ADAMTS12: variants seen among roughly 807,000 people sequenced by gnomAD.
ADAMTS12 encodes ADAM metallopeptidase with thrombospondin type 1 motif 12.
Under a neutral mutation model 167.8 loss-of-function variants are expected in ADAMTS12, and 118 were observed. That is an observed-to-expected ratio of 0.70 (90% confidence interval 0.61 to 0.82). The LOEUF is 0.82. Among genes scored for constraint, ADAMTS12 ranks in the 40% least tolerant of loss-of-function variants. The pLI is 0.00. For missense variants in ADAMTS12, 1,916 were observed against 1,998.8 expected (o/e 0.96, Z 0.79); for synonymous variants, 704 against 716.9 (o/e 0.98, Z 0.29).
chr5:33,855,479 A>G (rs926028403), intron 2 of ADAMTS12, among the ~76,000 whole-genome samples: 68 of 152,244 alleles, frequency 4.5e-4, no homozygotes, highest in African/African-American at 1.6e-3. Context: ...ATGTTAAAAG[A>G]AGGAAGATTA....
intron 1 of ADAMTS12, among the ~76,000 whole-genome samples, chr5:33,883,029 A>G (rs1350377356): frequency 6.6e-6 from 1 of 152,212 alleles, no homozygotes; most frequent in East Asian, 1.9e-4. Flanking sequence ...TAAGCATTCA[A>G]ATCTCAACTC....
chr5:33,595,296 A>G (rs1463807838), intron 17 of ADAMTS12, among the ~76,000 whole-genome samples: 1 of 152,156 alleles, frequency 6.6e-6, no homozygotes, highest in Non-Finnish European at 1.5e-5. Context: ...GTGGCTGTCA[A>G]CTGAGGATGA....
chr5:33,576,769 C>T lies in ADAMTS12; in HGVS notation c.3257G>A (p.Ser1086Asn). ...LSSRYLISTG[S>N]TSQPILTSQS... ...GGAAGTGAGGATGGGCTGGGAAGTG[C>T]TTCCAGTGGAAATGAGATAGCGAGA... The change falls in exon 19 of 24, where the codon AGC becomes AAC. Residue 1086 changes from serine (S) to asparagine (N), a missense_variant. Physicochemically the swap from Ser to Asn is conservative, Grantham distance 46. Transcript: ENST00000504830. The T allele has an allele frequency of 1.2e-6, 2 of 1,614,174 alleles. No individual in the cohort carries two copies. The highest frequency in any genetic ancestry group is 1.7e-6 in the Non-Finnish European group (2 of 1,180,038).
At chr5:33,731,706 T>G (rs1332087660) in intron 3 of ADAMTS12, among the ~76,000 whole-genome samples, 2 of 152,090 alleles carry the variant, frequency 1.3e-5, no homozygotes, top group Admixed American at 6.5e-5. Flanking sequence ...AAGGCAGCAC[T>G]CAGGAACACG....
chr5:33,816,395 T>C lies in ADAMTS12; in HGVS notation c.489+64724A>G, dbSNP rs144327814. 1.2e-4 allele frequency among the ~76,000 whole-genome samples: 19 copies of C among 152,284 alleles called. No individual in the cohort carries two copies. The East Asian group carries it at 2.3e-3, about 19-fold the overall frequency. Reference sequence around the variant, plus strand: ...GTTATTAACTGTATCTACCATGGTATGCAATATAATTCAAAACAAGAAAAA... The same window carrying C: ...GTTATTAACTGTATCTACCATGGTACGCAATATAATTCAAAACAAGAAAAA... On this transcript the variant is annotated intron_variant, in intron 2 of 23. Transcript: ENST00000504830.
intron 2 of ADAMTS12, among the ~76,000 whole-genome samples, chr5:33,792,536 T>G (rs1052774487): frequency 6.6e-6 from 1 of 152,194 alleles, no homozygotes; most frequent in Non-Finnish European, 1.5e-5. Context: ...GTGGGCTTAT[T>G]ATACTTTTTA....
At chr5:33,693,611 G>T (rs1293122596) in intron 3 of ADAMTS12, among the ~76,000 whole-genome samples, 4 of 152,084 alleles carry the variant, frequency 2.6e-5, no homozygotes, top group African/African-American at 9.7e-5. Context: ...TTGATAAAAT[G>T]CGACATCCCT....
intron 3 of ADAMTS12, among the ~76,000 whole-genome samples, chr5:33,729,058 T>G (rs570902373): frequency 6.6e-6 from 1 of 152,348 alleles, no homozygotes; most frequent in Non-Finnish European, 1.5e-5. Flanking sequence ...ATATGAAATA[T>G]TAACAATATT....
chr5:33,668,680 C>T (rs1218498774), intron 5 of ADAMTS12, among the ~76,000 whole-genome samples: 1 of 152,176 alleles, frequency 6.6e-6, no homozygotes, highest in Non-Finnish European at 1.5e-5. Context: ...GACGGGGTTT[C>T]ACCATGTTGG....
intron 3 of ADAMTS12, among the ~76,000 whole-genome samples, chr5:33,737,614 T>A (rs1333902408): frequency 6.6e-6 from 1 of 152,228 alleles, no homozygotes; most frequent in African/African-American, 2.4e-5. Context: ...ATTTAATTCA[T>A]ATATTCTATG....
intron 13 of ADAMTS12, among the ~76,000 whole-genome samples, chr5:33,627,110 TGTGGTG>T (rs915331373): frequency 2.7e-5 from 3 of 111,636 alleles, no homozygotes; most frequent in Admixed American, 8.6e-5. Context: ...TGATGATGGT[TGTGGTG>T]GTGGTGGTGG....
chr5:33,754,152 G>GA (rs1157831248), intron 2 of ADAMTS12, among the ~76,000 whole-genome samples: 1 of 152,088 alleles, frequency 6.6e-6, no homozygotes, highest in African/African-American at 2.4e-5. Context: ...GGTCATGCTA[G>GA]AAAAAAATCA....
chr5:33,594,338 C>T (rs892052912), intron 17 of ADAMTS12, among the ~76,000 whole-genome samples: 4 of 152,192 alleles, frequency 2.6e-5, no homozygotes, highest in Admixed American at 2.6e-4. Context: ...ACCTCTTTTT[C>T]TTTGTAAGTT....
intron 3 of ADAMTS12, among the ~76,000 whole-genome samples, chr5:33,713,112 G>T (rs976488870): frequency 5.9e-5 from 9 of 152,202 alleles, no homozygotes; most frequent in Non-Finnish European, 8.8e-5. Flanking sequence ...CTGAAAAGAA[G>T]AAGACGTTTC....
intron 2 of ADAMTS12, among the ~76,000 whole-genome samples, chr5:33,841,841 G>A (rs989108295): frequency 6.6e-6 from 1 of 152,194 alleles, no homozygotes; most frequent in Admixed American, 6.5e-5. Context: ...GGTATTCTGG[G>A]AGAGAAGTAA....
At chr5:33,774,702 A>G (rs1350730656) in intron 2 of ADAMTS12, among the ~76,000 whole-genome samples, 1 of 152,182 alleles carries the variant, frequency 6.6e-6, no homozygotes. Context: ...CTGAAAGTTA[A>G]TATTTATTGC....
At position 33,620,222 on chromosome 5, in the gene ADAMTS12, GT is replaced by G. The variant is rs1739247260; in HGVS notation, c.2143+4008del. Among the ~76,000 whole-genome samples, 4 of 152,284 alleles carry G rather than the reference GT, an allele frequency of 2.6e-5. No individual in the cohort carries two copies. In the South Asian group the frequency reaches 8.3e-4, roughly 32 times the overall value. ...GACAGCTATAGCTGCAGACCTTATG[GT>G]ACATATCAAGCAATTCAACTTTTTC... On this transcript the variant is annotated intron_variant, in intron 14 of 23. Coordinates refer to ENST00000504830, the MANE Select transcript of ADAMTS12 (RefSeq NM_030955.4).
At chr5:33,536,266 G>A (rs1186534703) in intron 22 of ADAMTS12, among the ~76,000 whole-genome samples, 1 of 152,166 alleles carries the variant, frequency 6.6e-6, no homozygotes, top group Non-Finnish European at 1.5e-5. Flanking sequence ...CTCCCAAGTA[G>A]CTGGGACTAC....
rs920791470 is a variant in ADAMTS12 at position 33,616,435 on chromosome 5, C to T, written c.2144-363G>A. On this transcript the variant is annotated intron_variant, in intron 14 of 23. Transcript: ENST00000504830. ...CTTCCTGCTAGTATCTCTGCTTCCC[C>T]CTTTGTTGCTACTATTACATTAGAC... is the stretch of plus-strand genomic sequence containing the variant. Among the ~76,000 whole-genome samples the T allele has an allele frequency of 2.0e-5, 3 of 152,168 alleles. No individual in the cohort carries two copies. In the East Asian group the frequency reaches 5.8e-4, roughly 29 times the overall value.
Sources: allele counts gnomAD v4.1 joint callset (sites outside exome capture counted in the v4.1 genomes callset), GRCh38; gene constraint gnomAD v4.1.1; transcripts MANE v1.5; gene names NCBI Gene and HGNC (gene_info 2026-07-23, HGNC 2026-07-21).